The following CHCHD10 variants were observed in gnomAD, a reference collection of about 807,000 sequenced individuals.
CHCHD10 encodes the protein coiled-coil-helix-coiled-coil-helix domain-containing protein 10, mitochondrial.
CHCHD10 carries 10 observed loss-of-function variants against 14.8 expected under a neutral mutation model. That is an observed-to-expected ratio of 0.67 (90% CI 0.42 to 1.14). CHCHD10 has a LOEUF of 1.14. Among genes scored for constraint, CHCHD10 ranks in the 50% most tolerant of loss-of-function variants. The pLI is 0.00. For missense variants in CHCHD10, 203 were observed against 196.9 expected (o/e 1.03, Z -0.19); for synonymous variants, 90 against 85.2 (o/e 1.06, Z -0.31).
intron 2 of CHCHD10, 102 bp downstream of exon 2, chr22:23,767,272 C>A: frequency 5.1e-6 from 5 of 988,500 alleles, no homozygotes; most frequent in Admixed American, 2.0e-5. Context: ...TGGGCTGAAG[C>A]AATGGTGAAT....
chr22:23,767,289 G>T, intron 2 of CHCHD10, 85 bp downstream of exon 2: 1 of 1,144,116 alleles, frequency 8.7e-7, no homozygotes, highest in Non-Finnish European at 1.3e-6. Flanking sequence ...GAATACACGC[G>T]GACACTCCTC....
chr22:23,767,567 G>T lies in CHCHD10; in HGVS notation c.68C>A (p.Pro23Gln), dbSNP rs1341719938. 2.2e-6 allele frequency: 3 copies of T among 1,358,468 alleles called. No homozygotes were observed. Among genetic ancestry groups the T allele is most frequent in the Non-Finnish European group, 2.8e-6 (3 of 1,054,826 alleles). 84.2% of individuals were successfully genotyped at this position (1,358,468 alleles called of 1,614,324 possible). The change falls in exon 2 of 4, where the codon CCG becomes CAG. Residue 23 changes from proline to glutamine, a missense_variant. Physicochemically the swap from Pro to Gln is moderately conservative, Grantham distance 76 (BLOSUM62 -1). Coordinates refer to ENST00000484558, the MANE Select transcript of CHCHD10 (RefSeq NM_213720.3). Reference protein sequence around the residue: ...ASRPAAPSAHPPAHPPPSAAA... With the variant: ...ASRPAAPSAHQPAHPPPSAAA... ...TGCCGAGGGCGGTGGGTGCGCGGGC[G>T]GGTGGGCAGAGGGCGCGGCTGGGCG...
intron 2 of CHCHD10, chr22:23,766,589 G>T: frequency 3.2e-6 from 1 of 315,496 alleles, no homozygotes; most frequent in Non-Finnish European, 5.9e-6. Context: ...AGTAGCTGGG[G>T]CTACAGGCGC....
intron 2 of CHCHD10, chr22:23,766,505 T>C: frequency 2.0e-6 from 1 of 496,230 alleles, no homozygotes; most frequent in South Asian, 2.5e-5. Flanking sequence ...TAGAGTGGAG[T>C]GCAGCGGCGC....
In CHCHD10 at chr22:23,766,010, G is replaced by C. The variant is rs764203000; in HGVS notation, c.426C>G (p.Pro142=). Residue 142 remains proline (P), a synonymous_variant, in exon 4 of 4, where the codon CCC becomes CCG. Transcript: ENST00000484558. ...CCCCGAGTCTGCACCGACCTCTTCA[G>C]GGCAGGGAGCTCAGACCTGGGAAGG... ...CKYYHGLSSL[P] is the part of the protein sequence containing the mutation. 3 of 1,613,556 alleles carry C rather than the reference G, an allele frequency of 1.9e-6. No homozygotes were observed. Among genetic ancestry groups the C allele is most frequent in the Non-Finnish European group, 1.7e-6 (2 of 1,179,876 alleles).
intron 1 of CHCHD10, 36 bp from the exon 2 acceptor site, chr22:23,767,629 C>T: frequency 1.0e-6 from 1 of 968,818 alleles, no homozygotes; most frequent in Non-Finnish European, 1.4e-6. Flanking sequence ...TAATCCTGGC[C>T]AGACCCCAGG....
chr22:23,767,005 C>T (rs1398674753), intron 2 of CHCHD10, among the ~76,000 whole-genome samples: 1 of 152,236 alleles, frequency 6.6e-6, no homozygotes, highest in Non-Finnish European at 1.5e-5. Context: ...TTGCGCCCAG[C>T]GGCCACAGTG....
At chr22:23,767,805 T>A in intron 1 of CHCHD10, 29 bp downstream of exon 1, 1 of 1,532,608 alleles carries the variant, frequency 6.5e-7, no homozygotes, top group South Asian at 1.2e-5. Flanking sequence ...CCTAACCCCC[T>A]CCCCACAGGG....
rs111527940 is a variant in CHCHD10, at chr22:23,767,401, C to T, written c.234G>A (p.Ser78=). 16,614 of 1,608,354 alleles carry T rather than the reference C, an allele frequency of 0.01. 89 individuals carry two copies. Among genetic ancestry groups the T allele is most frequent in the Non-Finnish European group, 0.012 (14,512 of 1,178,912 alleles). The part of the protein sequence containing the change: ...ALTGAFSGGS[S]EPSQPAVQQA... ...GCTGGACAGCAGGCTGGGAGGGCTCCGAGCTCCCCCCGCTGAAGGCTCCGG... is the reference window on the plus strand; with the variant it reads ...GCTGGACAGCAGGCTGGGAGGGCTCTGAGCTCCCCCCGCTGAAGGCTCCGG... The change falls in exon 2 of 4, where the codon TCG becomes TCA. Residue 78 remains serine (S), a synonymous_variant. Coordinates refer to ENST00000484558, the MANE Select transcript of CHCHD10 (RefSeq NM_213720.3).
At position 23,767,843 on chromosome 22, in the gene CHCHD10, CG is replaced by C; in HGVS notation, c.31del (p.Arg11GlyfsTer45). The C allele has an allele frequency of 6.6e-7, 1 of 1,522,222 alleles. No homozygotes were observed. Among genetic ancestry groups the C allele is most frequent in the African/African-American group, 1.4e-5 (1 of 69,302 alleles). The allele number at this position is 1,522,222 out of a possible 1,614,324, so 94.3% of individuals were successfully genotyped here. ...CTTGTCCCCCTCACACCTGGCTGGC[CG>C]GGAGGCCGCGCTGCGGCTTCCCCGA... MPRGSRSAASRPASRPAAPSA... is the reference protein window; with the variant it reads MPRGSRSAASXPASRPAAPSA... On this transcript the variant is annotated frameshift_variant, in exon 1 of 4. Transcript: ENST00000484558. LOFTEE classifies it high-confidence loss of function.
intron 1 of CHCHD10, 24 bp from the exon 2 acceptor site, chr22:23,767,617 G>A: frequency 1.9e-6 from 2 of 1,031,082 alleles, no homozygotes; most frequent in African/African-American, 1.7e-5. Flanking sequence ...AGGAAGCAGG[G>A]TTAATCCTGG....
chr22:23,766,451 CTTT>C (rs131440), intron 2 of CHCHD10, 176 bp from the exon 3 acceptor site: 16,322 of 400,640 alleles, frequency 0.041, 3 homozygotes, highest in Middle Eastern at 0.053. Context: ...TTTCTGCTGC[CTTT>C]TTTTTTTTTT....
chr22:23,767,723 T>A, intron 1 of CHCHD10, 111 bp downstream of exon 1: 3 of 1,004,810 alleles, frequency 3.0e-6, no homozygotes, highest in Non-Finnish European at 4.3e-6. Flanking sequence ...CCCCCACCCC[T>A]CCCCCCGCCA....
chr22:23,766,454 T>C, intron 2 of CHCHD10, 179 bp from the exon 3 acceptor site: 1 of 255,894 alleles, frequency 3.9e-6, no homozygotes. Context: ...CTGCTGCCTT[T>C]TTTTTTTTTT....
At position 23,765,884 on chromosome 22, in the gene CHCHD10, T is replaced by C. The variant is rs1601353233; in HGVS notation, c.*123A>G. The C allele has an allele frequency of 3.8e-6, 6 of 1,564,294 alleles. No individual in the cohort carries two copies. In the East Asian group the frequency reaches 1.4e-4, roughly 35 times the overall value. On this transcript the variant is annotated 3_prime_UTR_variant, in exon 4 of 4. Transcript: ENST00000484558. ...GCACATTTGTGTCTTGGGTTATCTG[T>C]GGGGTGAGAAACCTCCTCACTTCCA... is the stretch of plus-strand genomic sequence containing the variant.
In CHCHD10 at chr22:23,767,432, G is replaced by T; in HGVS notation, c.203C>A (p.Ala68Asp). Residue 68 changes from alanine to aspartate, a missense_variant, in exon 2 of 4, where the codon GCC (alanine) becomes GAC (aspartate). Coordinates refer to ENST00000484558, the MANE Select transcript of CHCHD10 (RefSeq NM_213720.3). ...GSAVGHVMGS[A>D]LTGAFSGGSS... ...CCCCCCGCTGAAGGCTCCGGTCAGG[G>T]CGCTGCCCATGACGTGTCCCACAGC... is the stretch of plus-strand genomic sequence containing the variant. 6 of 1,606,076 alleles carry T rather than the reference G, an allele frequency of 3.7e-6. No individual in the cohort carries two copies. Among genetic ancestry groups the T allele is most frequent in the Non-Finnish European group, 5.1e-6 (6 of 1,178,042 alleles).
At chr22:23,766,326 G>A in intron 2 of CHCHD10, 51 bp from the exon 3 acceptor site, 1 of 1,502,784 alleles carries the variant, frequency 6.7e-7, no homozygotes, top group Non-Finnish European at 8.9e-7. Context: ...TTGGCACCTG[G>A]AGGTGCGTTT....
chr22:23,765,979 A>G lies in CHCHD10; in HGVS notation c.*28T>C, dbSNP rs1964. The stretch of plus-strand genomic sequence containing the variant: ...GGCGAGGGGTAGAGGTGGGTGCAGG[A>G]CTGGCCCCCGAGTCTGCACCGACCT... On this transcript the variant is annotated 3_prime_UTR_variant, in exon 4 of 4. Coordinates refer to ENST00000484558, the MANE Select transcript of CHCHD10 (RefSeq NM_213720.3). 6.2e-7 allele frequency: 1 copy of G among 1,612,884 alleles called. No homozygotes were observed. Among genetic ancestry groups the G allele is most frequent in the South Asian group, 1.1e-5 (1 of 90,994 alleles).
chr22:23,767,659 G>A lies in CHCHD10; in HGVS notation c.42-66C>T, dbSNP rs930141749. ...CCCAGGCTGGAGGGCTGCAGCTCCT[G>A]GAAACGACCCCCGGAGAGATGGACG... On this transcript the variant is annotated intron_variant, in intron 1 of 3. Coordinates refer to ENST00000484558, the MANE Select transcript of CHCHD10 (RefSeq NM_213720.3). The A allele has an allele frequency of 1.9e-5, 16 of 853,806 alleles. No individual in the cohort carries two copies. The African/African-American group carries it at 2.7e-4, about 15-fold the overall frequency. 52.9% of individuals were successfully genotyped at this position (853,806 alleles called of 1,614,324 possible).
Sources: gnomAD v4.1 joint callset for allele counts (sites outside exome capture counted in the v4.1 genomes callset) on GRCh38, gnomAD v4.1.1 for gene constraint, MANE v1.5 for transcripts, NCBI Gene and HGNC (gene_info 2026-07-23, HGNC 2026-07-21) for gene names.